FSHR: variants seen among roughly 807,000 people sequenced by gnomAD.
The protein encoded by FSHR is follicle stimulating hormone receptor.
Under a neutral mutation model 52.1 loss-of-function variants are expected in FSHR, and 46 were observed. The observed-to-expected ratio is 0.88, with a 90% CI of 0.70 to 1.13. FSHR has a LOEUF of 1.13. FSHR is among the 50% of genes most tolerant of loss of function. The pLI is 0.00. For synonymous variants in FSHR, 399 were observed against 309.6 expected (o/e 1.29, Z -3.03); for missense variants, 964 against 834.6 (o/e 1.16, Z -1.91).
chr2:49,050,847 C>A (rs1668829585), intron 2 of FSHR, among the ~76,000 whole-genome samples: 1 of 152,094 alleles, frequency 6.6e-6, no homozygotes, highest in South Asian at 2.1e-4. Flanking sequence ...TATAAAATAT[C>A]TTCACCACGT....
intron 1 of FSHR, among the ~76,000 whole-genome samples, chr2:49,076,544 C>T (rs996154398): frequency 1.3e-5 from 2 of 152,156 alleles, no homozygotes; most frequent in Non-Finnish European, 2.9e-5. Context: ...CATTCTGCCC[C>T]TGGCCCCTCC....
At chr2:49,079,710 T>C (rs1670096241) in intron 1 of FSHR, among the ~76,000 whole-genome samples, 1 of 152,112 alleles carries the variant, frequency 6.6e-6, no homozygotes, top group South Asian at 2.1e-4. Context: ...CTAAGACCTT[T>C]GCTTATTACC....
intron 2 of FSHR, among the ~76,000 whole-genome samples, chr2:49,061,740 T>A: frequency 1.0e-4 from 6 of 60,188 alleles, no homozygotes; most frequent in South Asian, 7.7e-4. Context: ...ATATAGCTAT[T>A]TATATATAAC....
intron 1 of FSHR, among the ~76,000 whole-genome samples, chr2:49,087,898 T>A (rs1387286982): frequency 6.6e-6 from 1 of 152,206 alleles, no homozygotes; most frequent in East Asian, 1.9e-4. Flanking sequence ...GAGAGAGATA[T>A]GTGTAGTCTA....
chr2:49,089,115 T>TATAATATAATATAATATAATATAATATC (rs1558435040), intron 1 of FSHR, among the ~76,000 whole-genome samples: 7 of 105,978 alleles, frequency 6.6e-5, no homozygotes, highest in African/African-American at 2.3e-4. Flanking sequence ...AATATAATAT[T>TATAATATAATATAATATAATATAATATC]TATTTATATG....
chr2:49,015,686 TC>T (rs1377195427), intron 4 of FSHR, among the ~76,000 whole-genome samples: 1 of 152,080 alleles, frequency 6.6e-6, no homozygotes, highest in African/African-American at 2.4e-5. Flanking sequence ...AAAGATTCCA[TC>T]CCTAAGGAAC....
intron 4 of FSHR, among the ~76,000 whole-genome samples, chr2:48,996,243 A>T (rs368363518): frequency 6.6e-6 from 1 of 152,078 alleles, no homozygotes; most frequent in Non-Finnish European, 1.5e-5. Flanking sequence ...CCTCCTGACC[A>T]TTCTGAGAGA....
intron 2 of FSHR, among the ~76,000 whole-genome samples, chr2:49,047,935 A>G (rs1479837302): frequency 6.6e-6 from 1 of 152,144 alleles, no homozygotes; most frequent in African/African-American, 2.4e-5. Context: ...CTGGAGTGCA[A>G]TGGCACAATC....
At chr2:49,100,672 G>T (rs1221052072) in intron 1 of FSHR, among the ~76,000 whole-genome samples, 2 of 152,188 alleles carry the variant, frequency 1.3e-5, no homozygotes, top group Non-Finnish European at 2.9e-5. Context: ...CCAGATCCCT[G>T]ATCAGATCCT....
intron 2 of FSHR, among the ~76,000 whole-genome samples, chr2:49,028,187 A>C (rs146085443): frequency 6.6e-6 from 1 of 152,218 alleles, no homozygotes. Flanking sequence ...GACACTTGTA[A>C]GTTTGAGTTG....
chr2:48,980,965 A>G (rs1675220845), intron 8 of FSHR, among the ~76,000 whole-genome samples: 2 of 152,198 alleles, frequency 1.3e-5, no homozygotes, highest in Non-Finnish European at 2.9e-5. Flanking sequence ...TCTGCCATGA[A>G]CAGATAGAGA....
intron 8 of FSHR, among the ~76,000 whole-genome samples, chr2:48,972,853 T>C (rs1269537270): frequency 3.3e-5 from 5 of 152,216 alleles, no homozygotes; most frequent in Admixed American, 3.3e-4. Flanking sequence ...GTCTCCCCCT[T>C]GAGTTTACAG....
At chr2:48,980,844 G>T (rs775798152) in intron 8 of FSHR, among the ~76,000 whole-genome samples, 3 of 151,924 alleles carry the variant, frequency 2.0e-5, no homozygotes, top group Non-Finnish European at 4.4e-5. Flanking sequence ...AAGGAGTTGG[G>T]GGATCTCATC....
At chr2:49,082,474 C>A (rs1357871114) in intron 1 of FSHR, among the ~76,000 whole-genome samples, 1 of 152,148 alleles carries the variant, frequency 6.6e-6, no homozygotes, top group African/African-American at 2.4e-5. Context: ...TCCTCACCAG[C>A]AACGGAACAA....
intron 1 of FSHR, among the ~76,000 whole-genome samples, chr2:49,080,677 T>C (rs932272634): frequency 6.6e-6 from 1 of 152,214 alleles, no homozygotes; most frequent in East Asian, 1.9e-4. Flanking sequence ...TTTGTATTCA[T>C]GTCTTTTTAT....
chr2:49,100,876 A>G (rs933378331), intron 1 of FSHR, among the ~76,000 whole-genome samples: 1 of 152,218 alleles, frequency 6.6e-6, no homozygotes, highest in African/African-American at 2.4e-5. Flanking sequence ...GGACCAGGGA[A>G]GAAAACCAGG....
intron 1 of FSHR, among the ~76,000 whole-genome samples, chr2:49,142,012 C>A (rs1672705406): frequency 6.6e-6 from 1 of 152,216 alleles, no homozygotes; most frequent in South Asian, 2.1e-4. Context: ...CTATAGGTGG[C>A]ATGCAGCATA....
intron 4 of FSHR, among the ~76,000 whole-genome samples, chr2:48,996,260 G>A (rs1486511332): frequency 6.6e-6 from 1 of 151,992 alleles, no homozygotes; most frequent in African/African-American, 2.4e-5. Flanking sequence ...GAGAAGTTAG[G>A]GCAATGATGG....
At position 49,061,500 on chromosome 2, in the gene FSHR, G is replaced by A. The variant is rs192947620; in HGVS notation, c.224+6719C>T. On this transcript the variant is annotated intron_variant, in intron 2 of 9. Transcript: ENST00000406846. ...AATGATAAAGGGATCAATTCAGGAAGAGGATATGATTCTAAATATATATAT... is the reference window on the plus strand; with the variant it reads ...AATGATAAAGGGATCAATTCAGGAAAAGGATATGATTCTAAATATATATAT... 4.3e-3 allele frequency among the ~76,000 whole-genome samples: 632 copies of A among 147,454 alleles called. 6 individuals carry two copies. Among genetic ancestry groups the A allele is most frequent in the African/African-American group, 0.015 (606 of 40,254 alleles).
Sources: gnomAD v4.1 joint callset for allele counts (sites outside exome capture counted in the v4.1 genomes callset) on GRCh38, gnomAD v4.1.1 for gene constraint, MANE v1.5 for transcripts, NCBI Gene and HGNC (gene_info 2026-07-23, HGNC 2026-07-21) for gene names.